The following PCDHGB6 variants were observed in gnomAD, a reference collection of about 807,000 sequenced individuals.
The protein encoded by PCDHGB6 is protocadherin gamma subfamily B, 6, also known as protocadherin gamma-B6.
Under a neutral mutation model 59.1 loss-of-function variants are expected in PCDHGB6, and 51 were observed. That is an observed-to-expected ratio of 0.86 (90% CI 0.69 to 1.09). The LOEUF is 1.09. PCDHGB6 is among the 50% of genes least tolerant of loss of function. The pLI is 0.00. For synonymous variants in PCDHGB6, 466 were observed against 495.1 expected, an observed-to-expected ratio of 0.94 and a Z score of 0.78; for missense variants, 1,148 against 1,205.1, an observed-to-expected ratio of 0.95 and a Z score of 0.70.
chr5:141,410,513 G>C lies in PCDHGB6; in HGVS notation c.2311G>C (p.Val771Leu). ...AGAGTTTAATTTCCTAAAATGCAGT[G>C]TGCCCCTACATTCCAATGAAGACAT... ...TKEFNFLKCS[V>L]PLHSNEDMVC... is the part of the protein sequence containing the mutation. The change falls in exon 1 of 4, where the codon GTG becomes CTG. Residue 771 changes from valine to leucine, a missense_variant. Val to Leu is a conservative substitution (Grantham distance 32). Coordinates refer to ENST00000520790, the MANE Select transcript of PCDHGB6 (RefSeq NM_018926.3). 1 of 1,613,954 alleles carries C rather than the reference G, an allele frequency of 6.2e-7. No homozygotes were observed. Among genetic ancestry groups the C allele is most frequent in the Non-Finnish European group, 8.5e-7 (1 of 1,179,886 alleles).
At chr5:141,510,028 C>A (rs962629835) in intron 3 of PCDHGB6, among the ~76,000 whole-genome samples, 1 of 152,164 alleles carries the variant, frequency 6.6e-6, no homozygotes, top group Non-Finnish European at 1.5e-5. Context: ...GCTGGCTGGG[C>A]TGTTATGTAG....
chr5:141,414,723 C>A (rs775890033), intron 1 of PCDHGB6: 2 of 1,614,170 alleles, frequency 1.2e-6, no homozygotes, highest in South Asian at 2.2e-5. Flanking sequence ...CAGACACTGG[C>A]GTCCTGTATG....
At chr5:141,458,735 A>G (rs2098952642) in intron 1 of PCDHGB6, among the ~76,000 whole-genome samples, 1 of 148,560 alleles carries the variant, frequency 6.7e-6, no homozygotes, top group East Asian at 2.0e-4. Context: ...ACATCCAGCT[A>G]TTGGTTTTGG....
chr5:141,422,204 G>A lies in PCDHGB6; in HGVS notation c.2418+11584G>A, dbSNP rs185669562. On this transcript the variant is annotated intron_variant, in intron 1 of 3. Transcript: ENST00000520790. Reference sequence around the variant, plus strand: ...ATGGAAATTCAAGGCCAAGATGGTGGAGGTCTCTTTACCACCACGACGATG... The same window carrying A: ...ATGGAAATTCAAGGCCAAGATGGTGAAGGTCTCTTTACCACCACGACGATG... The A allele has an allele frequency of 1.7e-4, 269 of 1,562,138 alleles. No individual in the cohort carries two copies. The African/African-American group carries it at 3.6e-3, about 21-fold the overall frequency.
At chr5:141,478,584 T>G in intron 1 of PCDHGB6, 1 of 1,577,982 alleles carries the variant, frequency 6.3e-7, no homozygotes, top group Non-Finnish European at 8.6e-7. Flanking sequence ...CTGTTAGTGC[T>G]TTTTTATTCC....
chr5:141,430,632 C>T, intron 1 of PCDHGB6: 1 of 852,604 alleles, frequency 1.2e-6, no homozygotes, highest in Non-Finnish European at 1.7e-6. Flanking sequence ...AATGAACCAT[C>T]CCTGGGAGTA....
intron 2 of PCDHGB6, among the ~76,000 whole-genome samples, chr5:141,496,189 G>T (rs1362938002): frequency 1.3e-5 from 2 of 152,004 alleles, no homozygotes; most frequent in African/African-American, 4.8e-5. Context: ...AGCCCCAGCT[G>T]CTCATTTCAA....
In PCDHGB6 at chr5:141,490,682, C is replaced by T. The variant is rs1286126848; in HGVS notation, c.2419-4125C>T. On this transcript the variant is annotated intron_variant, in intron 1 of 3. Coordinates refer to ENST00000520790, the MANE Select transcript of PCDHGB6 (RefSeq NM_018926.3). The surrounding 1 kb of genome is among the most constrained non-coding windows in gnomAD (Gnocchi z 5.4). ...CTTTGCACTGTGGCTGCCTCAGATC[C>T]AGACACTGGGGATAATGCCCGCCTC... 10 of 1,614,054 alleles carry T rather than the reference C, an allele frequency of 6.2e-6. No homozygotes were observed. The highest frequency in any genetic ancestry group is 3.3e-5 in the Admixed American group (2 of 60,008).
At chr5:141,474,212 C>T (rs892802269) in intron 1 of PCDHGB6, among the ~76,000 whole-genome samples, 5 of 152,078 alleles carry the variant, frequency 3.3e-5, no homozygotes, top group African/African-American at 1.2e-4. Flanking sequence ...TTTCAAAAAC[C>T]AGATTGTGAA....
rs377061064 is a variant in PCDHGB6, at chr5:141,505,429, C to A, written c.2514C>A (p.Asn838Lys). 1.2e-6 allele frequency: 2 copies of A among 1,614,116 alleles called. No homozygotes were observed. Among genetic ancestry groups the A allele is most frequent in the African/African-American group, 1.3e-5 (1 of 74,938 alleles). Residue 838 changes from asparagine (N) to lysine (K), a missense_variant, in exon 3 of 4, where the codon AAC becomes AAA. Asn to Lys is a moderately conservative substitution (Grantham distance 94, BLOSUM62 0). Coordinates refer to ENST00000520790, the MANE Select transcript of PCDHGB6 (RefSeq NM_018926.3). ...QNGDDTGTWP[N>K]NQFDTEMLQA... ...GCGATGACACCGGCACCTGGCCCAA[C>A]AACCAGTTTGACACAGAGATGCTGC...
chr5:141,415,755 T>G (rs753465209), intron 1 of PCDHGB6: 41 of 1,387,576 alleles, frequency 3.0e-5, no homozygotes, highest in Middle Eastern at 2.6e-4. Flanking sequence ...TTTTTTTTTT[T>G]TTTTTTTTTT....
chr5:141,433,328 G>A (rs965877578), intron 1 of PCDHGB6: 3 of 724,464 alleles, frequency 4.1e-6, no homozygotes, highest in African/African-American at 3.6e-5. Context: ...GGTGTAACAG[G>A]GACTACAGGT....
Position 141,410,238 on chromosome 5 carries a change from C to CA in PCDHGB6, c.2036_2037insA (p.Val680CysfsTer4). The stretch of plus-strand genomic sequence containing the variant: ...ATACTGCCAGACCTCAGCGACCGCC[C>CA]TGTACTCTCTGACCCCCAGGCTGAA... On this transcript the variant is annotated frameshift_variant, in exon 1 of 4. Coordinates refer to ENST00000520790, the MANE Select transcript of PCDHGB6 (RefSeq NM_018926.3). LOFTEE classifies it high-confidence loss of function. 6.2e-7 allele frequency: 1 copy of CA among 1,614,046 alleles called. No homozygotes were observed. The highest frequency in any genetic ancestry group is 8.5e-7 in the Non-Finnish European group (1 of 1,179,886).
At position 141,409,241 on chromosome 5, in the gene PCDHGB6, A is replaced by G; in HGVS notation, c.1039A>G (p.Ile347Val). ...ILDENDNSPE[I>V]IITSLSDQIL... is the part of the protein sequence containing the mutation. ...TGATGAAAACGACAACAGCCCAGAA[A>G]TAATCATCACTTCTCTCTCTGATCA... is the stretch of plus-strand genomic sequence containing the variant. The change falls in exon 1 of 4, where the codon ATA (isoleucine) becomes GTA (valine). Residue 347 changes from isoleucine to valine, a missense_variant. Transcript: ENST00000520790. 6.2e-7 allele frequency: 1 copy of G among 1,614,038 alleles called. No homozygotes were observed.
intron 1 of PCDHGB6, among the ~76,000 whole-genome samples, chr5:141,470,752 C>T (rs1427502169): frequency 6.6e-6 from 1 of 152,178 alleles, no homozygotes; most frequent in Non-Finnish European, 1.5e-5. Flanking sequence ...GGCTGGAGTG[C>T]AGTGGACTCA....
chr5:141,423,437 C>CACGT (rs766166209), intron 1 of PCDHGB6: 1 of 1,613,952 alleles, frequency 6.2e-7, no homozygotes, highest in Non-Finnish European at 8.5e-7. Context: ...GCAGGTATGC[C>CACGT]CACGTCACAT....
intron 1 of PCDHGB6, among the ~76,000 whole-genome samples, chr5:141,488,870 G>T (rs2099680071): frequency 6.6e-6 from 1 of 152,224 alleles, no homozygotes; most frequent in African/African-American, 2.4e-5. Context: ...TGAGTGGGGA[G>T]GTAGGAAGCT....
At chr5:141,506,649 T>C (rs1487823663) in intron 3 of PCDHGB6, among the ~76,000 whole-genome samples, 1 of 152,114 alleles carries the variant, frequency 6.6e-6, no homozygotes, top group Admixed American at 6.6e-5. Context: ...CAGCACAGGA[T>C]TGGCAGAGAG....
chr5:141,464,419 A>G (rs2099083824), intron 1 of PCDHGB6, among the ~76,000 whole-genome samples: 1 of 151,768 alleles, frequency 6.6e-6, no homozygotes, highest in South Asian at 2.1e-4. Context: ...ATATATCTAT[A>G]TATATAGATA....
Sources: allele counts gnomAD v4.1 joint callset (sites outside exome capture counted in the v4.1 genomes callset), GRCh38; gene constraint gnomAD v4.1.1; non-coding constraint Gnocchi (gnomAD v3.1); transcripts MANE v1.5; gene names NCBI Gene and HGNC (gene_info 2026-07-23, HGNC 2026-07-21).